The following PRKCE variants were observed in gnomAD, a reference collection of about 807,000 sequenced individuals.
The protein encoded by PRKCE is protein kinase C epsilon.
Under a neutral mutation model 85.4 loss-of-function variants are expected in PRKCE, and 16 were observed. The observed-to-expected ratio is 0.19, with a 90% confidence interval of 0.13 to 0.28. The LOEUF (loss-of-function observed/expected upper bound fraction) is 0.28. Ranked by LOEUF, PRKCE falls within the 10% of genes least tolerant of loss-of-function variation. PRKCE has a pLI of 1.00. For missense variants in PRKCE, 573 were observed against 975.2 expected (o/e 0.59, Z 5.49); for synonymous variants, 388 against 371.5 (o/e 1.04, Z -0.51).
At chr2:45,960,669 C>G (rs1701312988) in intron 2 of PRKCE, among the ~76,000 whole-genome samples, 1 of 152,200 alleles carries the variant, frequency 6.6e-6, no homozygotes, top group African/African-American at 2.4e-5. Flanking sequence ...GGCCACAGAC[C>G]AGTACTGTGG....
At chr2:45,807,413 T>C (rs1688327633) in intron 1 of PRKCE, among the ~76,000 whole-genome samples, 1 of 152,270 alleles carries the variant, frequency 6.6e-6, no homozygotes. Flanking sequence ...CAAAAGGCGA[T>C]GTGTTTCACA....
At chr2:45,684,827 G>A (rs1257539064) in intron 1 of PRKCE, among the ~76,000 whole-genome samples, 1 of 152,202 alleles carries the variant, frequency 6.6e-6, no homozygotes, top group African/African-American at 2.4e-5. Flanking sequence ...GGACTTGTGT[G>A]TCCCCAGTCA....
chr2:45,958,942 C>G (rs1574027677), intron 2 of PRKCE, among the ~76,000 whole-genome samples: 2 of 144,262 alleles, frequency 1.4e-5, no homozygotes, highest in Admixed American at 7.1e-5. Flanking sequence ...CTAGAAAGGT[C>G]TTCAGGCTAG....
At chr2:45,975,530 C>T (rs929691210) in intron 2 of PRKCE, among the ~76,000 whole-genome samples, 3 of 152,170 alleles carry the variant, frequency 2.0e-5, no homozygotes, top group Admixed American at 1.3e-4. Flanking sequence ...TCAACCCTCA[C>T]GACCTCATCT....
chr2:45,824,738 T>A (rs1189793793), intron 1 of PRKCE, among the ~76,000 whole-genome samples: 1 of 152,206 alleles, frequency 6.6e-6, no homozygotes, highest in Non-Finnish European at 1.5e-5. Flanking sequence ...ATGAGCAATT[T>A]TCCAGTTGGT....
At chr2:45,994,867 C>T (rs1704094116) in intron 6 of PRKCE, among the ~76,000 whole-genome samples, 1 of 152,138 alleles carries the variant, frequency 6.6e-6, no homozygotes, top group Admixed American at 6.5e-5. Context: ...GCCAAACTGT[C>T]TCTCAAAGTG....
intron 10 of PRKCE, among the ~76,000 whole-genome samples, chr2:46,077,167 G>GCCCACA (rs1668629693): frequency 2.0e-5 from 3 of 150,098 alleles, no homozygotes; most frequent in Non-Finnish European, 4.4e-5. Context: ...TCTTTCTCGT[G>GCCCACA]CACACACACA....
At chr2:45,859,168 C>T (rs767490210) in intron 2 of PRKCE, among the ~76,000 whole-genome samples, 10 of 151,844 alleles carry the variant, frequency 6.6e-5, no homozygotes, top group Admixed American at 1.3e-4. Context: ...GGCTGCAGTT[C>T]GTTTTTTTAT....
intron 10 of PRKCE, among the ~76,000 whole-genome samples, chr2:46,021,050 C>A (rs1028323983): frequency 6.6e-6 from 1 of 152,058 alleles, no homozygotes; most frequent in East Asian, 1.9e-4. Context: ...ACCTTTGCCT[C>A]CTGGGGGTGA....
Position 45,844,050 on chromosome 2 carries a change from TCA to T in PRKCE, c.412+990_412+991del, listed in dbSNP as rs543237193. ...AATACTGGGGATCACAAGCTCAAAG[TCA>T]CAATCCCACACACAGTCTCTAGTTT... is the stretch of plus-strand genomic sequence containing the variant. On this transcript the variant is annotated intron_variant, in intron 2 of 14. Transcript: ENST00000306156. Among the ~76,000 whole-genome samples the T allele has an allele frequency of 2.6e-4, 40 of 152,294 alleles. No individual in the cohort carries two copies. The East Asian group carries it at 3.9e-3, about 15-fold the overall frequency.
At chr2:45,706,318 C>A (rs1289556445) in intron 1 of PRKCE, among the ~76,000 whole-genome samples, 10 of 152,172 alleles carry the variant, frequency 6.6e-5, no homozygotes, top group African/African-American at 2.4e-4. Context: ...TTCCCTCCTT[C>A]CACCAGAGGA....
At position 46,159,808 on chromosome 2, in the gene PRKCE, G is replaced by T. The variant is rs1256150203; in HGVS notation, c.2067+56G>T. The T allele has an allele frequency of 2.6e-5, 41 of 1,588,362 alleles. No homozygotes were observed. The highest frequency in any genetic ancestry group is 3.5e-5 in the Non-Finnish European group (41 of 1,175,296). ...ATGGGTCGGGCCCAGGTACTTGCAG[G>T]ACAGGCTGCGTGCACCCAGGAAGAG... On this transcript the variant is annotated intron_variant, in intron 14 of 14. Coordinates refer to ENST00000306156, the MANE Select transcript of PRKCE (RefSeq NM_005400.3). This position sits in a 1 kb window ranked among gnomAD's most constrained non-coding sequence, Gnocchi z 4.1.
At chr2:45,817,205 C>G (rs1689134991) in intron 1 of PRKCE, among the ~76,000 whole-genome samples, 1 of 151,992 alleles carries the variant, frequency 6.6e-6, no homozygotes, top group Non-Finnish European at 1.5e-5. Context: ...ATAGCAGCAG[C>G]TCATTTCTTA....
intron 2 of PRKCE, among the ~76,000 whole-genome samples, chr2:45,884,986 TATATATATATA>T (rs1322677753): frequency 3.9e-4 from 34 of 87,950 alleles, no homozygotes; most frequent in East Asian, 1.5e-3. Context: ...TATATATATA[TATATATATATA>T]TATATTTGTT....
At chr2:45,912,942 GAC>G (rs1214101391) in intron 2 of PRKCE, among the ~76,000 whole-genome samples, 2 of 152,142 alleles carry the variant, frequency 1.3e-5, no homozygotes, top group Non-Finnish European at 2.9e-5. Flanking sequence ...CCATTCTGAG[GAC>G]ACAGTGGTTC....
At chr2:45,815,099 C>G (rs564025300) in intron 1 of PRKCE, among the ~76,000 whole-genome samples, 3 of 152,284 alleles carry the variant, frequency 2.0e-5, no homozygotes, top group South Asian at 4.2e-4. Context: ...GAGAATTACC[C>G]TGTGGCATAA....
intron 2 of PRKCE, among the ~76,000 whole-genome samples, chr2:45,881,154 A>G (rs1000875927): frequency 2.7e-5 from 4 of 147,552 alleles, no homozygotes; most frequent in South Asian, 2.1e-4. Flanking sequence ...CTCCGTCTCA[A>G]AAAAAAAAAA....
chr2:46,085,774 G>C (rs867557176), intron 10 of PRKCE, among the ~76,000 whole-genome samples: 8 of 78,460 alleles, frequency 1.0e-4, no homozygotes, highest in Admixed American at 1.6e-4. Context: ...TTTTTTTTTA[G>C]CCATATAAGG....
chr2:45,829,026 GTTT>G (rs61186243), intron 1 of PRKCE, among the ~76,000 whole-genome samples: 1 of 151,726 alleles, frequency 6.6e-6, no homozygotes, highest in Non-Finnish European at 1.5e-5. Context: ...AATTCAACAA[GTTT>G]TTTTTTTCAT....
Sources: gnomAD v4.1 joint callset for allele counts (sites outside exome capture counted in the v4.1 genomes callset) on GRCh38, gnomAD v4.1.1 for gene constraint, Gnocchi (gnomAD v3.1) non-coding constraint, MANE v1.5 for transcripts, NCBI Gene and HGNC (gene_info 2026-07-23, HGNC 2026-07-21) for gene names.